Variants in KAZN observed in about 807,000 individuals in gnomAD.
KAZN encodes the protein kazrin.
Under a neutral mutation model 87.4 loss-of-function variants are expected in KAZN, and 40 were observed. The ratio of observed to expected loss-of-function variants is 0.46; its 90% confidence interval spans 0.36 to 0.60. The LOEUF is 0.60. KAZN is among the 20% of genes least tolerant of loss of function. KAZN has a pLI of 0.00. For missense variants in KAZN, 898 were observed against 1,073.9 expected (o/e 0.84, Z 2.29); for synonymous variants, 466 against 458.3 (o/e 1.02, Z -0.22).
In KAZN at chr1:13,976,639, G is replaced by A. The variant is rs149578418; in HGVS notation, c.91+82883G>A. 4.4e-3 allele frequency among the ~76,000 whole-genome samples: 667 copies of A among 152,084 alleles called. 8 individuals are homozygous for A. Among genetic ancestry groups the A allele is most frequent in the African/African-American group, 0.015 (635 of 41,490 alleles). On this transcript the variant is annotated intron_variant, in intron 1 of 16. Coordinates refer to the KAZN transcript ENST00000636203. ...TGTACATTACACTGGAACACCTGTG[G>A]AAGTGCAGATTATATCTACATGAAT...
intron 1 of KAZN, among the ~76,000 whole-genome samples, chr1:14,095,636 A>C (rs1353268393): frequency 1.3e-5 from 2 of 152,142 alleles, no homozygotes; most frequent in South Asian, 4.1e-4. Context: ...TCCCTGAACT[A>C]GGAAAACTCA....
intron 1 of KAZN, among the ~76,000 whole-genome samples, chr1:14,878,418 T>C (rs948906102): frequency 2.6e-5 from 4 of 151,792 alleles, no homozygotes; most frequent in Non-Finnish European, 4.4e-5. Flanking sequence ...TTGCCATATG[T>C]CTCAACTGGG....
At chr1:14,419,056 T>A in intron 2 of KAZN, among the ~76,000 whole-genome samples, 1 of 152,306 alleles carries the variant, frequency 6.6e-6, no homozygotes, top group East Asian at 1.9e-4. Context: ...ATGCTATATA[T>A]TTTTATTCCT....
intron 1 of KAZN, among the ~76,000 whole-genome samples, chr1:13,928,785 T>C (rs773361659): frequency 6.6e-6 from 1 of 152,156 alleles, no homozygotes; most frequent in East Asian, 1.9e-4. Flanking sequence ...AATATTTTGA[T>C]CTTTAATTTT....
intron 1 of KAZN, among the ~76,000 whole-genome samples, chr1:14,875,492 A>AG (rs1238089046): frequency 6.6e-6 from 1 of 150,892 alleles, no homozygotes; most frequent in African/African-American, 2.4e-5. Context: ...TAAAAAAAAA[A>AG]AAAAAGAAAA....
chr1:14,985,385 A>T (rs1252994159), intron 2 of KAZN, among the ~76,000 whole-genome samples: 1 of 151,976 alleles, frequency 6.6e-6, no homozygotes, highest in African/African-American at 2.4e-5. Context: ...TTTAAAAATT[A>T]GCTGGGCATG....
At chr1:14,301,720 C>T (rs1191704713) in intron 2 of KAZN, among the ~76,000 whole-genome samples, 1 of 152,232 alleles carries the variant, frequency 6.6e-6, no homozygotes, top group East Asian at 1.9e-4. Context: ...ATATAGAAGA[C>T]ATTTGGCAGG....
At chr1:14,328,290 T>G (rs1027095278) in intron 2 of KAZN, among the ~76,000 whole-genome samples, 2 of 152,240 alleles carry the variant, frequency 1.3e-5, no homozygotes, top group African/African-American at 4.8e-5. Context: ...TTGCTTTATT[T>G]ACTATGCTTT....
chr1:14,144,959 G>C (rs1645314943), intron 1 of KAZN, among the ~76,000 whole-genome samples: 1 of 152,104 alleles, frequency 6.6e-6, no homozygotes, highest in Non-Finnish European at 1.5e-5. Context: ...GCCACATTGG[G>C]GATCAAATTT....
intron 2 of KAZN, among the ~76,000 whole-genome samples, chr1:14,962,812 C>G (rs1400950980): frequency 1.3e-5 from 2 of 152,152 alleles, no homozygotes; most frequent in African/African-American, 4.8e-5. Flanking sequence ...AGGAGAAAAA[C>G]CTCCCTTAGT....
chr1:13,981,993 C>T (rs540694135), intron 1 of KAZN, among the ~76,000 whole-genome samples: 3 of 152,316 alleles, frequency 2.0e-5, no homozygotes, highest in African/African-American at 7.2e-5. Flanking sequence ...AGATGGGGGG[C>T]TGTCCTCTTG....
Position 15,086,963 on chromosome 1 carries a change from C to T in KAZN, c.1223-7217C>T, listed in dbSNP as rs12036611. On this transcript the variant is annotated intron_variant, in intron 8 of 14. Transcript: ENST00000376030. ...TTTCTGTTCCAGGAGATCTGGGGTA[C>T]AGTTCTAGAATTTTCATTTCTACCA... is the stretch of plus-strand genomic sequence containing the variant. Among the ~76,000 whole-genome samples the T allele has an allele frequency of 9.8e-3, 1,488 of 152,348 alleles. 41 individuals carry two copies. The highest frequency in any genetic ancestry group is 0.084 in the East Asian group (438 of 5,186).
At chr1:14,861,237 G>T (rs1650809426) in intron 1 of KAZN, among the ~76,000 whole-genome samples, 1 of 152,204 alleles carries the variant, frequency 6.6e-6, no homozygotes, top group South Asian at 2.1e-4. Flanking sequence ...AATTAGCTGG[G>T]TACGGTGACT....
intron 1 of KAZN, among the ~76,000 whole-genome samples, chr1:14,644,366 T>TTC (rs1553201950): frequency 1.3e-3 from 204 of 151,606 alleles, no homozygotes; most frequent in African/African-American, 4.6e-3. Context: ...TTTTTTTTTT[T>TTC]TTCTTCTTTT....
chr1:14,204,602 A>G (rs1488596402), intron 2 of KAZN, among the ~76,000 whole-genome samples: 1 of 151,382 alleles, frequency 6.6e-6, no homozygotes, highest in African/African-American at 2.5e-5. Context: ...TTTGTAAATG[A>G]AAAAGAAAAT....
chr1:13,948,436 A>G (rs183409785), intron 1 of KAZN, among the ~76,000 whole-genome samples: 17 of 152,248 alleles, frequency 1.1e-4, no homozygotes, highest in Admixed American at 1.0e-3. Flanking sequence ...CTATGAAGAG[A>G]TGCCTTCTGC....
intron 1 of KAZN, among the ~76,000 whole-genome samples, chr1:14,881,669 C>T (rs1653351592): frequency 6.6e-6 from 1 of 152,174 alleles, no homozygotes; most frequent in African/African-American, 2.4e-5. Context: ...ATGGTGGGTT[C>T]AGGTACAGGT....
In KAZN at chr1:14,857,858, C is replaced by G. The variant is rs139214712; in HGVS notation, c.227-102826C>G. Among the ~76,000 whole-genome samples the G allele has an allele frequency of 2.6e-3, 398 of 151,970 alleles. 2 individuals carry two copies. The highest frequency in any genetic ancestry group is 9.2e-3 in the African/African-American group (382 of 41,392). On this transcript the variant is annotated intron_variant, in intron 1 of 14. Coordinates refer to ENST00000376030, the MANE Select transcript of KAZN (RefSeq NM_201628.3). ...TATAGTTCATATACCATACAATTCACCCATTTAAAGAGTACAATTCACACT... is the reference window on the plus strand; with the variant it reads ...TATAGTTCATATACCATACAATTCAGCCATTTAAAGAGTACAATTCACACT...
intron 10 of KAZN, among the ~76,000 whole-genome samples, chr1:15,100,310 G>T (rs79841916): frequency 0.039 from 5,955 of 152,200 alleles, 302 homozygotes; most frequent in East Asian, 0.12. Flanking sequence ...AGGACAGGGA[G>T]GACCCACCCA....
Sources: allele counts gnomAD v4.1 joint callset (sites outside exome capture counted in the v4.1 genomes callset), GRCh38; gene constraint gnomAD v4.1.1; transcripts MANE v1.5; gene names NCBI Gene and HGNC (gene_info 2026-07-23, HGNC 2026-07-21).